HLF: variants seen among roughly 807,000 people sequenced by gnomAD.
The protein encoded by HLF is HLF transcription factor, PAR bZIP family member.
HLF carries 3 observed loss-of-function variants against 22.6 expected under a neutral mutation model. The observed-to-expected ratio is 0.13, with a 90% CI of 0.06 to 0.34. The LOEUF is 0.34. HLF is among the 10% of genes least tolerant of loss of function. HLF has a pLI of 1.00. For synonymous variants in HLF, 151 were observed against 151.8 expected (o/e 0.99, Z 0.04); for missense variants, 299 against 389.2 (o/e 0.77, Z 1.95).
chr17:55,316,666 G>T (rs1312802234), intron 3 of HLF, among the ~76,000 whole-genome samples: 1 of 152,214 alleles, frequency 6.6e-6, no homozygotes, highest in East Asian at 1.9e-4. Flanking sequence ...TTAGAGAAAG[G>T]CTTAGCCTGG....
chr17:55,303,344 C>T (rs1311695858), intron 2 of HLF, among the ~76,000 whole-genome samples: 1 of 152,170 alleles, frequency 6.6e-6, no homozygotes, highest in Non-Finnish European at 1.5e-5. Context: ...TTGAGCTGGC[C>T]AGCAGTTGAC....
chr17:55,313,817 G>A (rs148749551), intron 2 of HLF, among the ~76,000 whole-genome samples: 77 of 152,108 alleles, frequency 5.1e-4, no homozygotes, highest in African/African-American at 1.8e-3. Flanking sequence ...CTTCCTCTTT[G>A]GCAAGCAGGA....
intron 2 of HLF, among the ~76,000 whole-genome samples, chr17:55,268,586 A>G (rs2080819439): frequency 6.6e-6 from 1 of 151,420 alleles, no homozygotes; most frequent in Admixed American, 6.6e-5. Flanking sequence ...GATATGGGGC[A>G]GGTATTTTTT....
At chr17:55,299,686 C>T (rs1476897640) in intron 2 of HLF, among the ~76,000 whole-genome samples, 1 of 152,210 alleles carries the variant, frequency 6.6e-6, no homozygotes. Context: ...GCGATCTTCC[C>T]ACCTTAGCCT....
intron 2 of HLF, among the ~76,000 whole-genome samples, chr17:55,291,122 C>T (rs1403060845): frequency 6.6e-6 from 1 of 152,166 alleles, no homozygotes; most frequent in East Asian, 1.9e-4. Flanking sequence ...CAAAAAGGTG[C>T]AAGGTGAAGC....
intron 2 of HLF, among the ~76,000 whole-genome samples, chr17:55,268,737 CTT>C (rs367940386): frequency 1.8e-4 from 27 of 146,048 alleles, no homozygotes; most frequent in Non-Finnish European, 3.0e-4. Flanking sequence ...CTGTTCTTAT[CTT>C]TTTTTTTTTT....
Position 55,323,237 on chromosome 17 carries a change from A to G in HLF, c.*2358A>G, listed in dbSNP as rs1905324890. 4.6e-6 allele frequency: 1 copy of G among 217,464 alleles called. No individual in the cohort carries two copies. Among genetic ancestry groups the G allele is most frequent in the Admixed American group, 5.8e-5 (1 of 17,266 alleles). The allele number at this position is 217,464 out of a possible 1,614,324, so 13.5% of individuals were successfully genotyped here. On this transcript the variant is annotated 3_prime_UTR_variant, in exon 4 of 4. Transcript: ENST00000226067. Reference sequence around the variant, plus strand: ...AACTTTTGCAATCTTAAGCAGAGATAAATAAAAGATAGCAATATGAGACAC... The same window carrying G: ...AACTTTTGCAATCTTAAGCAGAGATGAATAAAAGATAGCAATATGAGACAC...
intron 2 of HLF, among the ~76,000 whole-genome samples, chr17:55,303,372 C>T (rs772538187): frequency 1.3e-5 from 2 of 152,178 alleles, no homozygotes; most frequent in African/African-American, 2.4e-5. Flanking sequence ...CCTAACCTCC[C>T]GTTTTCCAGG....
Position 55,322,039 on chromosome 17 carries a change from G to A in HLF, c.*1160G>A, listed in dbSNP as rs1905278117. ...GAAAATCAGTTGATTAAGTTAATAA[G>A]TTGATGTTTTCTAAGGCCCTTTTTC... is the stretch of plus-strand genomic sequence containing the variant. On this transcript the variant is annotated 3_prime_UTR_variant, in exon 4 of 4. Coordinates refer to ENST00000226067, the MANE Select transcript of HLF (RefSeq NM_002126.5). The A allele has an allele frequency of 4.7e-6, 1 of 214,682 alleles. No homozygotes were observed. Among genetic ancestry groups the A allele is most frequent in the African/African-American group, 2.3e-5 (1 of 44,254 alleles). 13.3% of individuals were successfully genotyped at this position (214,682 alleles called of 1,614,324 possible).
chr17:55,283,650 G>A (rs752236965), intron 2 of HLF: 5 of 152,284 alleles, frequency 3.3e-5, no homozygotes, highest in Admixed American at 6.5e-5. Flanking sequence ...CAGCTCCTTG[G>A]TCACGAGACA....
chr17:55,285,273 G>A (rs2080993587), intron 2 of HLF, among the ~76,000 whole-genome samples: 1 of 152,136 alleles, frequency 6.6e-6, no homozygotes, highest in Non-Finnish European at 1.5e-5. Context: ...TGGTACCTTG[G>A]ATCCCAGGTA....
At chr17:55,270,656 C>CTTTTTT (rs10712714) in intron 2 of HLF, among the ~76,000 whole-genome samples, 3 of 84,746 alleles carry the variant, frequency 3.5e-5, no homozygotes, top group Non-Finnish European at 4.8e-5. Context: ...TTGGGTAAAT[C>CTTTTTT]TTTTTTTTTT....
intron 2 of HLF, among the ~76,000 whole-genome samples, chr17:55,306,537 AGTG>A (rs1258061183): frequency 7.0e-6 from 1 of 143,600 alleles, no homozygotes; most frequent in Non-Finnish European, 1.5e-5. Flanking sequence ...GCAAAAAGGA[AGTG>A]TGTGTGTGTG....
intron 2 of HLF, among the ~76,000 whole-genome samples, chr17:55,288,120 C>T (rs562532812): frequency 2.6e-5 from 4 of 152,014 alleles, no homozygotes; most frequent in East Asian, 1.9e-4. Context: ...CTGTTTTTCT[C>T]GTGACTGTTT....
At chr17:55,304,458 G>A (rs1256101572) in intron 2 of HLF, among the ~76,000 whole-genome samples, 2 of 152,178 alleles carry the variant, frequency 1.3e-5, no homozygotes, top group African/African-American at 4.8e-5. Context: ...GAGTTCCGCT[G>A]GTCTCACCTT....
intron 2 of HLF, among the ~76,000 whole-genome samples, chr17:55,289,226 T>C (rs928270167): frequency 1.3e-5 from 2 of 152,156 alleles, no homozygotes; most frequent in Non-Finnish European, 2.9e-5. Flanking sequence ...GCTAAAGGCT[T>C]CCAAGCACCA....
Position 55,320,687 on chromosome 17 carries a change from C to G in HLF, c.696C>G (p.Arg232=). ...DLKDDKYWAR[R]RKNNMAAKRS... ...AGGATGACAAGTACTGGGCAAGGCG[C>G]AGAAAGAACAACATGGCAGCCAAGC... The change falls in exon 4 of 4, where the codon CGC becomes CGG. Residue 232 remains arginine (R), a synonymous_variant. Coordinates refer to ENST00000226067, the MANE Select transcript of HLF (RefSeq NM_002126.5). The surrounding 1 kb of genome is among the most constrained non-coding windows in gnomAD (Gnocchi z 4.2). 1 of 1,614,170 alleles carries G rather than the reference C, an allele frequency of 6.2e-7. No individual in the cohort carries two copies. The highest frequency in any genetic ancestry group is 1.1e-5 in the South Asian group (1 of 91,082).
At position 55,265,443 on chromosome 17, in the gene HLF, CTTA is replaced by C. The variant is rs777554047; in HGVS notation, c.-39_-37del. ...CATTTTAGGGGGCGGTTGTTTCTTTCTTATTTCTTTTTTTAAGGGGAAAAAATT... is the reference window on the plus strand; with the variant it reads ...CATTTTAGGGGGCGGTTGTTTCTTTCTTTCTTTTTTTAAGGGGAAAAAATT... On this transcript the variant is annotated 5_prime_UTR_variant, in exon 1 of 4. Coordinates refer to ENST00000226067, the MANE Select transcript of HLF (RefSeq NM_002126.5). 1.6e-6 allele frequency: 2 copies of C among 1,270,862 alleles called. No homozygotes were observed. Among genetic ancestry groups the C allele is most frequent in the Non-Finnish European group, 2.3e-6 (2 of 879,984 alleles). The allele number at this position is 1,270,862 out of a possible 1,614,324, so 78.7% of individuals were successfully genotyped here. A position where few individuals can be genotyped will look rare whatever the true frequency, so the allele number is the denominator to read the frequency against.
chr17:55,304,893 C>CA (rs1236059258), intron 2 of HLF, among the ~76,000 whole-genome samples: 1 of 152,196 alleles, frequency 6.6e-6, no homozygotes, highest in Non-Finnish European at 1.5e-5. Flanking sequence ...TACGTAGTGT[C>CA]AGAGTCATGA....
Sources: gnomAD v4.1 joint callset for allele counts (sites outside exome capture counted in the v4.1 genomes callset) on GRCh38, gnomAD v4.1.1 for gene constraint, Gnocchi (gnomAD v3.1) non-coding constraint, MANE v1.5 for transcripts, NCBI Gene and HGNC (gene_info 2026-07-23, HGNC 2026-07-21) for gene names.